DPYD: variants seen among roughly 807,000 people sequenced by gnomAD.
The protein encoded by DPYD is dihydropyrimidine dehydrogenase.
In DPYD, 109 loss-of-function variants were observed where a neutral mutation model predicts 116.2. That is an observed-to-expected ratio of 0.94 (90% CI 0.80 to 1.10). The LOEUF (loss-of-function observed/expected upper bound fraction) is 1.10. Among genes scored for constraint, DPYD ranks in the 50% least tolerant of loss-of-function variants. The pLI, the probability that DPYD is intolerant of heterozygous loss-of-function variation, is 0.00. For synonymous variants in DPYD, 440 were observed against 432.0 expected, an observed-to-expected ratio of 1.02 and a Z score of -0.23; for missense variants, 1,302 against 1,254.5, an observed-to-expected ratio of 1.04 and a Z score of -0.57.
At chr1:97,866,345 C>T (rs191364784) in intron 2 of DPYD, among the ~76,000 whole-genome samples, 15 of 151,998 alleles carry the variant, frequency 9.9e-5, no homozygotes, top group African/African-American at 3.6e-4. Context: ...GGTATGACAA[C>T]AGATACTGAT....
At chr1:97,322,662 G>C (rs954181407) in intron 16 of DPYD, 2 of 151,838 alleles carry the variant, frequency 1.3e-5, no homozygotes, top group African/African-American at 4.8e-5. Context: ...ATGTCATAAG[G>C]GGTGTGTCTG....
At chr1:97,088,325 A>G (rs1244132750) in intron 21 of DPYD, among the ~76,000 whole-genome samples, 1 of 152,202 alleles carries the variant, frequency 6.6e-6, no homozygotes, top group African/African-American at 2.4e-5. Context: ...ACTTTCCTTC[A>G]AGATTCCTTT....
intron 14 of DPYD, among the ~76,000 whole-genome samples, chr1:97,431,120 G>C (rs1046256603): frequency 6.6e-6 from 1 of 152,050 alleles, no homozygotes; most frequent in African/African-American, 2.4e-5. Context: ...TACAGATTCA[G>C]GGGTAAATGA....
In DPYD at chr1:97,145,892, T is replaced by C. The variant is rs1047642801; in HGVS notation, c.2622+47177A>G. On this transcript the variant is annotated intron_variant, in intron 20 of 22. Coordinates refer to ENST00000370192, the MANE Select transcript of DPYD (RefSeq NM_000110.4). ...CAGGGAGTTAACATGAATACATTGC[T>C]TTTTTAATAGGTGTGCTTACCATCT... is the stretch of plus-strand genomic sequence containing the variant. Among the ~76,000 whole-genome samples the C allele has an allele frequency of 9.9e-5, 15 of 152,146 alleles. No individual in the cohort carries two copies. In the South Asian group the frequency reaches 3.1e-3, roughly 32 times the overall value.
At chr1:97,832,045 T>TTGTGTGTGTGTGTGTGTGTGTG (rs35795641) in intron 2 of DPYD, among the ~76,000 whole-genome samples, 1 of 133,950 alleles carries the variant, frequency 7.5e-6, no homozygotes, top group East Asian at 2.4e-4. Context: ...ATATAATGTA[T>TTGTGTGTGTGTGTGTGTGTGTG]TGTGTGTGTG....
At chr1:97,790,013 A>G (rs189893419) in intron 3 of DPYD, among the ~76,000 whole-genome samples, 1 of 152,342 alleles carries the variant, frequency 6.6e-6, no homozygotes, top group East Asian at 1.9e-4. Flanking sequence ...ACCGCAAAGC[A>G]TCACTTGAGG....
intron 16 of DPYD, among the ~76,000 whole-genome samples, chr1:97,343,033 T>C (rs765120781): frequency 9.9e-5 from 15 of 151,910 alleles, no homozygotes; most frequent in Admixed American, 9.8e-4. Context: ...AACAAACAAA[T>C]AAACAAAGCC....
chr1:97,174,219 C>T (rs190097692), intron 20 of DPYD, among the ~76,000 whole-genome samples: 4 of 152,246 alleles, frequency 2.6e-5, no homozygotes, highest in African/African-American at 4.8e-5. Context: ...GTTCTGGAAG[C>T]TTTGGCCTCA....
chr1:97,527,287 C>T (rs748772007), intron 12 of DPYD, among the ~76,000 whole-genome samples: 5 of 152,080 alleles, frequency 3.3e-5, no homozygotes, highest in Non-Finnish European at 7.4e-5. Context: ...CCATGTTGGC[C>T]AGGATGGTCT....
intron 10 of DPYD, among the ~76,000 whole-genome samples, chr1:97,592,532 A>T (rs538480808): frequency 6.6e-6 from 1 of 151,996 alleles, no homozygotes; most frequent in African/African-American, 2.4e-5. Context: ...ACGCCCGGCT[A>T]ATTTTTTTGT....
chr1:97,247,611 T>C (rs1662804160), intron 18 of DPYD, among the ~76,000 whole-genome samples: 1 of 152,148 alleles, frequency 6.6e-6, no homozygotes, highest in African/African-American at 2.4e-5. Flanking sequence ...TAGAATAAAA[T>C]AGAATAATCT....
At chr1:97,883,172 A>G (rs556157639) in intron 2 of DPYD, 92 bp downstream of exon 2, 2 of 807,686 alleles carry the variant, frequency 2.5e-6, no homozygotes, top group South Asian at 3.1e-5. Context: ...CTGTACTTTA[A>G]TACCTTATTT....
At chr1:97,615,483 C>T (rs1656208850) in intron 8 of DPYD, among the ~76,000 whole-genome samples, 1 of 152,122 alleles carries the variant, frequency 6.6e-6, no homozygotes, top group African/African-American at 2.4e-5. Context: ...TACCAAGTAA[C>T]AAACAGAACC....
intron 16 of DPYD, among the ~76,000 whole-genome samples, chr1:97,336,580 C>T (rs1669294935): frequency 6.6e-6 from 1 of 152,150 alleles, no homozygotes; most frequent in Non-Finnish European, 1.5e-5. Context: ...AAAACTCTGT[C>T]TCTACTAAAA....
intron 10 of DPYD, among the ~76,000 whole-genome samples, chr1:97,586,708 T>C (rs1654152425): frequency 2.0e-5 from 3 of 151,694 alleles, no homozygotes; most frequent in Middle Eastern, 3.2e-3. Flanking sequence ...ATTTGCAGTC[T>C]TCTTTTTTTT....
At chr1:97,414,056 G>A (rs1379013719) in intron 14 of DPYD, among the ~76,000 whole-genome samples, 1 of 151,550 alleles carries the variant, frequency 6.6e-6, no homozygotes, top group African/African-American at 2.4e-5. Flanking sequence ...ACTTCACTCA[G>A]AAATAGCCAC....
intron 18 of DPYD, among the ~76,000 whole-genome samples, chr1:97,303,290 A>G (rs10783060): frequency 0.63 from 95,778 of 151,798 alleles, 30,699 homozygotes; most frequent in Middle Eastern, 0.78. Flanking sequence ...TTCATGCAGC[A>G]TCTCTGAAAG....
chr1:97,126,316 A>G (rs1394043294), intron 20 of DPYD, among the ~76,000 whole-genome samples: 3 of 152,118 alleles, frequency 2.0e-5, no homozygotes, highest in Non-Finnish European at 2.9e-5. Context: ...ATTATAAGGC[A>G]TTTTTATATA....
At chr1:97,205,582 T>A (rs1351507112) in intron 19 of DPYD, among the ~76,000 whole-genome samples, 4 of 152,130 alleles carry the variant, frequency 2.6e-5, no homozygotes, top group African/African-American at 9.7e-5. Context: ...CATTTTTCTA[T>A]ATAGCCAAAT....
Sources: allele counts gnomAD v4.1 joint callset (sites outside exome capture counted in the v4.1 genomes callset), GRCh38; gene constraint gnomAD v4.1.1; transcripts MANE v1.5; gene names NCBI Gene and HGNC (gene_info 2026-07-23, HGNC 2026-07-21).